Variants in CCSER2 observed in about 807,000 individuals in gnomAD.
CCSER2 encodes the protein coiled-coil serine rich protein 2.
In CCSER2, 46 loss-of-function variants were observed where a neutral mutation model predicts 92.3. That is an observed-to-expected ratio of 0.50 (90% CI 0.39 to 0.64). CCSER2 has a LOEUF of 0.64. Ranked by LOEUF, CCSER2 falls within the 30% of genes least tolerant of loss-of-function variation. CCSER2 has a pLI of 0.00. For synonymous variants in CCSER2, 433 were observed against 431.4 expected (o/e 1.00, Z -0.04); for missense variants, 1,244 against 1,238.9 (o/e 1.00, Z -0.06).
At chr10:84,502,340 T>C (rs994646881) in intron 9 of CCSER2, among the ~76,000 whole-genome samples, 1 of 151,412 alleles carries the variant, frequency 6.6e-6, no homozygotes, top group Non-Finnish European at 1.5e-5. Context: ...CAGTATAATG[T>C]TTCATTAAAA....
chr10:84,391,133 A>G (rs1473532866), intron 3 of CCSER2: 3 of 783,362 alleles, frequency 3.8e-6, no homozygotes, highest in Non-Finnish European at 7.1e-6. Flanking sequence ...GAAGATAAGG[A>G]TCTCTTCCCT....
intron 9 of CCSER2, among the ~76,000 whole-genome samples, chr10:84,494,869 A>T (rs1848361595): frequency 6.6e-6 from 1 of 152,180 alleles, no homozygotes; most frequent in South Asian, 2.1e-4. Context: ...GGGTTCTTGG[A>T]TCTCACACAG....
chr10:84,493,810 A>G (rs910361281), intron 9 of CCSER2, among the ~76,000 whole-genome samples: 2 of 152,206 alleles, frequency 1.3e-5, no homozygotes, highest in African/African-American at 2.4e-5. Context: ...CTTTATTTCT[A>G]TTATGATTAC....
rs538899984 is a variant in CCSER2, at chr10:84,458,602, C to T, written c.2065-5331C>T. Among the ~76,000 whole-genome samples the T allele has an allele frequency of 1.5e-3, 226 of 152,268 alleles. 1 individual carries two copies. The highest frequency in any genetic ancestry group is 3.4e-3 in the Middle Eastern group (1 of 294). On this transcript the variant is annotated intron_variant, in intron 6 of 9. Coordinates refer to ENST00000372088, the MANE Select transcript of CCSER2 (RefSeq NM_001284240.2). Reference sequence around the variant, plus strand: ...GATTTTGATAGGGAGAATACTGAATCTCCAGTTGAGTTTGGAAGAGAATTG... The same window carrying T: ...GATTTTGATAGGGAGAATACTGAATTTCCAGTTGAGTTTGGAAGAGAATTG...
chr10:84,485,460 A>G (rs985905848), intron 9 of CCSER2, among the ~76,000 whole-genome samples: 3 of 152,198 alleles, frequency 2.0e-5, no homozygotes, highest in African/African-American at 7.2e-5. Context: ...TTTTTTATAA[A>G]TAGTATCTTA....
At chr10:84,356,415 G>A (rs886115410) in intron 1 of CCSER2, among the ~76,000 whole-genome samples, 1 of 152,076 alleles carries the variant, frequency 6.6e-6, no homozygotes, top group African/African-American at 2.4e-5. Context: ...AGTTGTGTGA[G>A]CAATTATCTA....
intron 9 of CCSER2, among the ~76,000 whole-genome samples, chr10:84,483,334 G>A (rs912277866): frequency 4.0e-5 from 6 of 151,556 alleles, no homozygotes; most frequent in African/African-American, 1.5e-4. Flanking sequence ...TGGAGGTTGT[G>A]GTGAGCTGAG....
intron 1 of CCSER2, among the ~76,000 whole-genome samples, chr10:84,342,803 C>T (rs1844270771): frequency 6.6e-6 from 1 of 152,228 alleles, no homozygotes; most frequent in South Asian, 2.1e-4. Context: ...GTTAAATCCA[C>T]TGTGAACCTT....
chr10:84,409,300 A>AT (rs1188084112), intron 3 of CCSER2, among the ~76,000 whole-genome samples: 3 of 143,538 alleles, frequency 2.1e-5, no homozygotes, highest in East Asian at 2.1e-4. Context: ...CTATTTATTT[A>AT]TTTAAAAAAA....
chr10:84,451,338 A>G (rs1564677801), intron 6 of CCSER2, among the ~76,000 whole-genome samples: 1 of 150,574 alleles, frequency 6.6e-6, no homozygotes, highest in African/African-American at 2.4e-5. Context: ...GACTACTCAC[A>G]GGTGTGATCA....
At chr10:84,441,678 T>A (rs1298846898) in intron 6 of CCSER2, among the ~76,000 whole-genome samples, 1 of 150,354 alleles carries the variant, frequency 6.7e-6, no homozygotes, top group African/African-American at 2.4e-5. Context: ...GTGGTTGTAA[T>A]TTATCCAAAG....
intron 8 of CCSER2, among the ~76,000 whole-genome samples, chr10:84,476,188 G>A (rs1470462860): frequency 6.6e-6 from 1 of 152,088 alleles, no homozygotes; most frequent in Non-Finnish European, 1.5e-5. Flanking sequence ...TGGGAAATAT[G>A]TCTCTATGAT....
chr10:84,373,721 C>G lies in CCSER2; in HGVS notation c.1520C>G (p.Ser507Cys). ...SSFELSPSDS[S>C]DGTYMWDEEG... Reference sequence around the variant, plus strand: ...TTTGAACTCTCTCCATCTGATAGCTCTGATGGAACATACATGTGGGATGAA... The same window carrying G: ...TTTGAACTCTCTCCATCTGATAGCTGTGATGGAACATACATGTGGGATGAA... Residue 507 changes from serine (S) to cysteine (C), a missense_variant, in exon 3 of 10, where the codon TCT (serine) becomes TGT (cysteine). Coordinates refer to ENST00000372088, the MANE Select transcript of CCSER2 (RefSeq NM_001284240.2). 3 of 1,613,764 alleles carry G rather than the reference C, an allele frequency of 1.9e-6. No individual in the cohort carries two copies. The highest frequency in any genetic ancestry group is 2.5e-6 in the Non-Finnish European group (3 of 1,179,790).
chr10:84,399,980 T>G (rs1320408652), intron 3 of CCSER2, among the ~76,000 whole-genome samples: 1 of 152,170 alleles, frequency 6.6e-6, no homozygotes, highest in Non-Finnish European at 1.5e-5. Flanking sequence ...TTTGATTCGC[T>G]TAGTCTCAAA....
chr10:84,436,352 AAT>A lies in CCSER2; in HGVS notation c.1869-2159_1869-2158del, dbSNP rs1554849469. 2.6e-3 allele frequency among the ~76,000 whole-genome samples: 264 copies of A among 102,064 alleles called. 23 individuals carry two copies. The highest frequency in any genetic ancestry group is 5.0e-3 in the South Asian group (16 of 3,218). The allele number at this position is 102,064 out of a possible 152,430, so 67.0% of individuals were successfully genotyped here. A position where few individuals can be genotyped will look rare whatever the true frequency, so the allele number is the denominator to read the frequency against. On this transcript the variant is annotated intron_variant, in intron 5 of 9. Transcript: ENST00000372088. ...AAAAAAAAAAAAAAAAAAAAAAAAA[AAT>A]GCCGGGCGCGGTGTCTCAAGCCTGT...
chr10:84,380,897 G>A (rs912548338), intron 3 of CCSER2, among the ~76,000 whole-genome samples: 5 of 151,990 alleles, frequency 3.3e-5, no homozygotes, highest in East Asian at 1.9e-4. Flanking sequence ...GGGTTTCACC[G>A]TGTTAGCCAG....
intron 6 of CCSER2, among the ~76,000 whole-genome samples, chr10:84,457,315 AATATATTATATATAATATATT>A (rs1564685009): frequency 6.7e-5 from 4 of 59,352 alleles, no homozygotes; most frequent in African/African-American, 2.2e-4. Flanking sequence ...TGTTATATAT[AATATATTATATATAATATATT>A]ATATATTATA....
At chr10:84,394,935 C>T (rs1244274954) in intron 3 of CCSER2, among the ~76,000 whole-genome samples, 2 of 151,930 alleles carry the variant, frequency 1.3e-5, no homozygotes, top group Admixed American at 1.3e-4. Flanking sequence ...TGTTAATAAA[C>T]AGAGTAGGCG....
intron 3 of CCSER2, among the ~76,000 whole-genome samples, chr10:84,411,897 G>A (rs756071349): frequency 2.0e-5 from 3 of 152,150 alleles, no homozygotes; most frequent in Admixed American, 6.5e-5. Context: ...GGTTTTCAAG[G>A]GGAACGCCTC....
Sources: gnomAD v4.1 joint callset for allele counts (sites outside exome capture counted in the v4.1 genomes callset) on GRCh38, gnomAD v4.1.1 for gene constraint, MANE v1.5 for transcripts, NCBI Gene and HGNC (gene_info 2026-07-23, HGNC 2026-07-21) for gene names.